Variants in TBCD observed in about 807,000 individuals in gnomAD.
TBCD encodes the protein tubulin folding cofactor D.
In TBCD, 105 loss-of-function variants were observed where a neutral mutation model predicts 169.3. That is an observed-to-expected ratio of 0.62 (90% CI 0.53 to 0.73). TBCD has a LOEUF of 0.73. Among genes scored for constraint, TBCD ranks in the 30% least tolerant of loss-of-function variants. The pLI, the probability that TBCD is intolerant of heterozygous loss-of-function variation, is 0.00. For missense variants in TBCD, 1,444 were observed against 1,600.1 expected (o/e 0.90, Z 1.66); for synonymous variants, 700 against 643.9 (o/e 1.09, Z -1.32).
In TBCD at chr17:82,927,073, T is replaced by C. The variant is rs1024824995; in HGVS notation, c.2472-113T>C. 12 of 1,483,194 alleles carry C rather than the reference T, an allele frequency of 8.1e-6. No homozygotes were observed. The African/African-American group carries it at 1.5e-4, about 19-fold the overall frequency. 91.9% of individuals were successfully genotyped at this position (1,483,194 alleles called of 1,614,324 possible). A position where few individuals can be genotyped will look rare whatever the true frequency, so the allele number is the denominator to read the frequency against. The stretch of plus-strand genomic sequence containing the variant: ...GTGTTTCTGATCTACCCGAGGGTCC[T>C]GGACTGTTCTGAGCGTGTCTTCTCA... On this transcript the variant is annotated intron_variant, in intron 28 of 38. Coordinates refer to ENST00000355528, the MANE Select transcript of TBCD (RefSeq NM_005993.5).
Position 82,914,562 on chromosome 17 carries a change from G to A in TBCD, c.2038+2773G>A, listed in dbSNP as rs558642870. Among the ~76,000 whole-genome samples, 8 of 152,350 alleles carry A rather than the reference G, an allele frequency of 5.3e-5. No individual in the cohort carries two copies. The East Asian group carries it at 1.5e-3, about 29-fold the overall frequency. ...CGCTGAGTGCAAACGCGGCACTCCT[G>A]CACATGTCGCCTCGCACCGTGGCGG... On this transcript the variant is annotated intron_variant, in intron 23 of 38. Transcript: ENST00000355528.
At chr17:82,931,530 T>A (rs1346105469) in intron 33 of TBCD, among the ~76,000 whole-genome samples, 1 of 152,230 alleles carries the variant, frequency 6.6e-6, no homozygotes, top group Non-Finnish European at 1.5e-5. Flanking sequence ...TGCCGTTCGC[T>A]CATTCCTCCT....
chr17:82,922,922 C>G lies in TBCD; in HGVS notation c.2179-730C>G, dbSNP rs1449250113. ...GTGGGGGTTCGAGGAGACAGTGGCA[C>G]TGAGCCCCGCACGCGGCGGGACTGG... On this transcript the variant is annotated intron_variant, in intron 25 of 38. Coordinates refer to ENST00000355528, the MANE Select transcript of TBCD (RefSeq NM_005993.5). This position sits in a 1 kb window ranked among gnomAD's most constrained non-coding sequence, Gnocchi z 4.1. Among the ~76,000 whole-genome samples, 1 of 152,244 alleles carries G rather than the reference C, an allele frequency of 6.6e-6. No individual in the cohort carries two copies. Among genetic ancestry groups the G allele is most frequent in the Non-Finnish European group, 1.5e-5 (1 of 68,036 alleles).
rs1302891285 is a variant in TBCD at position 82,930,144 on chromosome 17, AC to A, written c.2992-375del. On this transcript the variant is annotated intron_variant, in intron 32 of 38. Coordinates refer to ENST00000355528, the MANE Select transcript of TBCD (RefSeq NM_005993.5). This position sits in a 1 kb window ranked among gnomAD's most constrained non-coding sequence, Gnocchi z 5.2. ...GCGCCGTGCGGGCGCGTGCGGGGAG[AC>A]CCGGGCCACATGCGAGCGGGGCCCC... is the stretch of plus-strand genomic sequence containing the variant. 7.5e-5 allele frequency: 21 copies of A among 281,338 alleles called. No homozygotes were observed. The highest frequency in any genetic ancestry group is 3.8e-4 in the African/African-American group (17 of 44,620). 17.4% of individuals were successfully genotyped at this position (281,338 alleles called of 1,614,324 possible).
intron 18 of TBCD, among the ~76,000 whole-genome samples, chr17:82,902,928 T>G (rs2059986358): frequency 6.6e-6 from 1 of 152,174 alleles, no homozygotes; most frequent in South Asian, 2.1e-4. Context: ...GAGCCGGTCC[T>G]GGGTCAGCCT....
Position 82,920,321 on chromosome 17 carries a change from G to C in TBCD, c.2039-235G>C. 1 of 578,230 alleles carries C rather than the reference G, an allele frequency of 1.7e-6. No homozygotes were observed. Among genetic ancestry groups the C allele is most frequent in the Non-Finnish European group, 3.0e-6 (1 of 328,954 alleles). The allele number at this position is 578,230 out of a possible 1,614,324, so 35.8% of individuals were successfully genotyped here. The stretch of plus-strand genomic sequence containing the variant: ...GGCTCACACATGGGCCTTCTGCCAC[G>C]TGGCTGGGTCTGCAGCACTTTCTTC... On this transcript the variant is annotated intron_variant, in intron 23 of 38. Transcript: ENST00000355528. The surrounding 1 kb of genome is among the most constrained non-coding windows in gnomAD (Gnocchi z 4.1).
chr17:82,892,409 ACT>A (rs1048385889), intron 16 of TBCD, among the ~76,000 whole-genome samples: 1 of 152,070 alleles, frequency 6.6e-6, no homozygotes, highest in Non-Finnish European at 1.5e-5. Flanking sequence ...TCATGCTGTC[ACT>A]GATTGCAGCA....
Position 82,781,115 on chromosome 17 carries a change from A to C in TBCD, c.639-474A>C, listed in dbSNP as rs114901085. Among the ~76,000 whole-genome samples the C allele has an allele frequency of 1.3e-3, 195 of 152,182 alleles. 1 individual carries two copies. Among genetic ancestry groups the C allele is most frequent in the African/African-American group, 4.4e-3 (181 of 41,504 alleles). The stretch of plus-strand genomic sequence containing the variant: ...GCTGGCTGTGGAAACAGGCCTGTGC[A>C]CAAGACGCATGGCAGGTGTGGGGGA... On this transcript the variant is annotated intron_variant, in intron 6 of 38. Coordinates refer to ENST00000355528, the MANE Select transcript of TBCD (RefSeq NM_005993.5).
intron 7 of TBCD, among the ~76,000 whole-genome samples, chr17:82,793,790 C>T (rs781233363): frequency 3.8e-4 from 58 of 151,874 alleles, no homozygotes; most frequent in Non-Finnish European, 6.5e-4. Context: ...GGCTGCCCTC[C>T]GTGTGCTGAG....
chr17:82,886,304 C>G (rs1238701857), intron 15 of TBCD: 3 of 152,208 alleles, frequency 2.0e-5, no homozygotes, highest in Non-Finnish European at 2.9e-5. Flanking sequence ...TTTGTGAAAA[C>G]AGTTCCAGCT....
intron 12 of TBCD, among the ~76,000 whole-genome samples, chr17:82,811,997 G>A (rs1031035794): frequency 7.2e-5 from 11 of 152,284 alleles, no homozygotes; most frequent in African/African-American, 2.2e-4. Flanking sequence ...GGGGGTTCAG[G>A]ATCTGTGTGG....
intron 13 of TBCD, among the ~76,000 whole-genome samples, chr17:82,850,221 C>CTGTTGGCTGTGCTGT: frequency 1.3e-5 from 1 of 77,754 alleles, no homozygotes. Flanking sequence ...GGCTGTGCTG[C>CTGTTGGCTGTGCTGT]TGTTGGCTGT....
chr17:82,772,816 G>C (rs1458256156), intron 6 of TBCD, among the ~76,000 whole-genome samples: 1 of 152,172 alleles, frequency 6.6e-6, no homozygotes, highest in African/African-American at 2.4e-5. Flanking sequence ...ACAGGGATGG[G>C]GTGGCAGTTA....
At chr17:82,854,808 T>A (rs2056111831) in intron 13 of TBCD, among the ~76,000 whole-genome samples, 1 of 152,168 alleles carries the variant, frequency 6.6e-6, no homozygotes, top group Non-Finnish European at 1.5e-5. Flanking sequence ...ACGTGAAATT[T>A]CTATCACGTA....
At chr17:82,857,750 T>G (rs2056431672) in intron 13 of TBCD, among the ~76,000 whole-genome samples, 1 of 150,716 alleles carries the variant, frequency 6.6e-6, no homozygotes, top group African/African-American at 2.4e-5. Flanking sequence ...CTCATGGTTT[T>G]TTTTTTTTTT....
At chr17:82,834,682 A>G (rs996115074) in intron 13 of TBCD, among the ~76,000 whole-genome samples, 27 of 150,624 alleles carry the variant, frequency 1.8e-4, no homozygotes, top group Admixed American at 1.8e-3. Flanking sequence ...ACACATGGAC[A>G]CAGGGAGGGG....
chr17:82,874,388 G>A lies in TBCD; in HGVS notation c.1475+4008G>A, dbSNP rs1466901771. On this transcript the variant is annotated intron_variant, in intron 14 of 38. Coordinates refer to ENST00000355528, the MANE Select transcript of TBCD (RefSeq NM_005993.5). The surrounding 1 kb of genome is among the most constrained non-coding windows in gnomAD (Gnocchi z 5.0). ...GTCCCACTTGGCTTTGATCTCGTGG[G>A]GCTTTGGTTTTTGGAGGTCCTGGGT... 1.3e-5 allele frequency among the ~76,000 whole-genome samples: 2 copies of A among 152,164 alleles called. No homozygotes were observed. Among genetic ancestry groups the A allele is most frequent in the Non-Finnish European group, 2.9e-5 (2 of 68,010 alleles).
intron 17 of TBCD, among the ~76,000 whole-genome samples, chr17:82,895,617 C>T (rs1005073038): frequency 1.3e-5 from 2 of 151,994 alleles, no homozygotes; most frequent in African/African-American, 4.8e-5. Context: ...GGGCTGGGGG[C>T]CTGGAGGTGT....
At chr17:82,907,500 T>C (rs974395160) in intron 20 of TBCD, among the ~76,000 whole-genome samples, 3 of 152,126 alleles carry the variant, frequency 2.0e-5, no homozygotes, top group African/African-American at 7.2e-5. Context: ...CTGGGCAACA[T>C]AGTGAGACCC....
Sources: gnomAD v4.1 joint callset for allele counts (sites outside exome capture counted in the v4.1 genomes callset) on GRCh38, gnomAD v4.1.1 for gene constraint, Gnocchi (gnomAD v3.1) non-coding constraint, MANE v1.5 for transcripts, NCBI Gene and HGNC (gene_info 2026-07-23, HGNC 2026-07-21) for gene names.